The following AGBL4 variants were observed in gnomAD, a reference collection of about 807,000 sequenced individuals.
The protein encoded by AGBL4 is AGBL carboxypeptidase 4.
A neutral mutation model predicts 66.4 loss-of-function variants in AGBL4; 58 were observed. The observed-to-expected ratio is 0.87, with a 90% CI of 0.71 to 1.09. The LOEUF is 1.09. Among genes scored for constraint, AGBL4 ranks in the 50% least tolerant of loss-of-function variants. The probability of loss-of-function intolerance (pLI) is 0.00; values close to 1 mark genes in which losing one functional copy is unlikely to be tolerated. For missense variants in AGBL4, 579 were observed against 631.0 expected, an observed-to-expected ratio of 0.92 and a Z score of 0.88; for synonymous variants, 234 against 222.9, an observed-to-expected ratio of 1.05 and a Z score of -0.44.
chr1:49,842,162 G>T, intron 2 of AGBL4: 1 of 407,798 alleles, frequency 2.5e-6, no homozygotes, highest in East Asian at 6.0e-5. Context: ...CACTGCATTG[G>T]AGGAGCATGT....
At chr1:48,677,835 C>T (rs543202328) in intron 6 of AGBL4, among the ~76,000 whole-genome samples, 2 of 152,288 alleles carry the variant, frequency 1.3e-5, no homozygotes, top group South Asian at 4.1e-4. Flanking sequence ...TCAGGAGAGG[C>T]CTCCCAACTT....
At chr1:49,155,531 T>C (rs991671063) in intron 4 of AGBL4, among the ~76,000 whole-genome samples, 1 of 152,160 alleles carries the variant, frequency 6.6e-6, no homozygotes, top group African/African-American at 2.4e-5. Flanking sequence ...TTCTTTGATA[T>C]TAAGTGATGG....
At position 48,895,587 on chromosome 1, in the gene AGBL4, A is replaced by G. The variant is rs1045775480; in HGVS notation, c.595-28357T>C. Among the ~76,000 whole-genome samples, 3 of 152,218 alleles carry G rather than the reference A, an allele frequency of 2.0e-5. No individual in the cohort carries two copies. The South Asian group carries it at 6.2e-4, about 32-fold the overall frequency. On this transcript the variant is annotated intron_variant, in intron 5 of 13. Transcript: ENST00000371839. ...AACTGCTTAAAATTCATAATCAATC[A>G]AGCGAGTTGATTTTAGTCTTTTGTA...
At chr1:48,890,174 C>G (rs1650801923) in intron 5 of AGBL4, among the ~76,000 whole-genome samples, 1 of 152,096 alleles carries the variant, frequency 6.6e-6, no homozygotes, top group Non-Finnish European at 1.5e-5. Flanking sequence ...TCCTTTCACC[C>G]TGTCTCTCAC....
At chr1:49,146,328 T>C (rs897247235) in intron 4 of AGBL4, among the ~76,000 whole-genome samples, 2 of 152,200 alleles carry the variant, frequency 1.3e-5, no homozygotes, top group African/African-American at 2.4e-5. Flanking sequence ...GTGGTTATTA[T>C]GCATTGCATG....
chr1:49,376,365 A>T (rs1175939218), intron 3 of AGBL4, among the ~76,000 whole-genome samples: 1 of 151,938 alleles, frequency 6.6e-6, no homozygotes, highest in Non-Finnish European at 1.5e-5. Context: ...CTTCCTATCT[A>T]GATTTGGCCA....
At chr1:48,843,943 T>C (rs1558034289) in intron 6 of AGBL4, among the ~76,000 whole-genome samples, 1 of 152,158 alleles carries the variant, frequency 6.6e-6, no homozygotes, top group Non-Finnish European at 1.5e-5. Context: ...TTACATATAT[T>C]GAATATTATA....
At chr1:49,415,088 G>T (rs1344775493) in intron 3 of AGBL4, among the ~76,000 whole-genome samples, 1 of 152,036 alleles carries the variant, frequency 6.6e-6, no homozygotes, top group Non-Finnish European at 1.5e-5. Flanking sequence ...CAGCATCCAG[G>T]TCTCTTAATT....
chr1:48,745,828 G>GT (rs1395671675), intron 6 of AGBL4, among the ~76,000 whole-genome samples: 5 of 152,122 alleles, frequency 3.3e-5, no homozygotes, highest in African/African-American at 9.7e-5. Flanking sequence ...CCTTCCTTGG[G>GT]TAGTAGAGCT....
chr1:48,991,956 C>A (rs1486831942), intron 5 of AGBL4, among the ~76,000 whole-genome samples: 1 of 152,124 alleles, frequency 6.6e-6, no homozygotes, highest in Non-Finnish European at 1.5e-5. Context: ...TAAATTGTCA[C>A]AAACCTCTGT....
At chr1:49,116,733 C>T (rs1239455418) in intron 4 of AGBL4, among the ~76,000 whole-genome samples, 4 of 152,150 alleles carry the variant, frequency 2.6e-5, no homozygotes, top group African/African-American at 9.7e-5. Flanking sequence ...TGGGTATATA[C>T]CCAGTAATGG....
chr1:48,742,815 A>C, intron 6 of AGBL4: 1 of 1,450,054 alleles, frequency 6.9e-7, no homozygotes, highest in Non-Finnish European at 9.2e-7. Flanking sequence ...TCCAAGGAAA[A>C]TAAAAGGCAA....
chr1:49,043,682 G>C (rs1644004983), intron 5 of AGBL4, among the ~76,000 whole-genome samples: 1 of 152,112 alleles, frequency 6.6e-6, no homozygotes, highest in Non-Finnish European at 1.5e-5. Flanking sequence ...AAAATATATA[G>C]GCAACAGATA....
chr1:49,946,032 T>C (rs1341243228), intron 1 of AGBL4, among the ~76,000 whole-genome samples: 2 of 152,036 alleles, frequency 1.3e-5, no homozygotes, highest in African/African-American at 4.8e-5. Context: ...TATATGCACC[T>C]AGCATTAGAG....
At chr1:49,765,502 A>T (rs751951336) in intron 2 of AGBL4, among the ~76,000 whole-genome samples, 1 of 152,154 alleles carries the variant, frequency 6.6e-6, no homozygotes, top group Non-Finnish European at 1.5e-5. Context: ...TAACCTCTCC[A>T]GTTAAGGAAC....
rs866255130 is a variant in AGBL4, at chr1:49,754,634, G to C, written c.158-57197C>G. ...CTGTATGAAGTGTCTGTCAACCCCTGCTGGGAGGTGTCTCTCATTCAGAAG... is the reference window on the plus strand; with the variant it reads ...CTGTATGAAGTGTCTGTCAACCCCTCCTGGGAGGTGTCTCTCATTCAGAAG... On this transcript the variant is annotated intron_variant, in intron 2 of 13. Transcript: ENST00000371839. 2.6e-5 allele frequency among the ~76,000 whole-genome samples: 4 copies of C among 152,136 alleles called. No homozygotes were observed. In the South Asian group the frequency reaches 8.3e-4, roughly 31 times the overall value.
intron 1 of AGBL4, among the ~76,000 whole-genome samples, chr1:49,882,185 A>G (rs1647408967): frequency 6.6e-6 from 1 of 151,046 alleles, no homozygotes. Flanking sequence ...TTTGTCAAAG[A>G]TCAGATAGTT....
chr1:49,688,785 T>C (rs1214049057), intron 3 of AGBL4, among the ~76,000 whole-genome samples: 1 of 151,348 alleles, frequency 6.6e-6, no homozygotes, highest in Non-Finnish European at 1.5e-5. Context: ...GATGAGATGA[T>C]ATCTAATTGT....
intron 3 of AGBL4, among the ~76,000 whole-genome samples, chr1:49,261,416 G>T (rs372822776): frequency 2.0e-5 from 3 of 152,062 alleles, no homozygotes; most frequent in East Asian, 1.9e-4. Context: ...GACCCCATTG[G>T]CTCAGCCCAA....
Sources: gnomAD v4.1 joint callset for allele counts (sites outside exome capture counted in the v4.1 genomes callset) on GRCh38, gnomAD v4.1.1 for gene constraint, MANE v1.5 for transcripts, NCBI Gene and HGNC (gene_info 2026-07-23, HGNC 2026-07-21) for gene names.